The following LURAP1 variants were observed in gnomAD, a reference collection of about 807,000 sequenced individuals.
The protein encoded by LURAP1 is NF-kappa-B activator C1orf190.
LURAP1 carries 14 observed loss-of-function variants against 19.0 expected under a neutral mutation model. The observed-to-expected ratio is 0.74, with a 90% CI of 0.49 to 1.15. The LOEUF (loss-of-function observed/expected upper bound fraction) is 1.15, where lower values mean the gene tolerates loss of function less well. LURAP1 is among the 50% of genes most tolerant of loss of function. The probability of loss-of-function intolerance (pLI) is 0.00; values close to 1 mark genes in which losing one functional copy is unlikely to be tolerated. For synonymous variants in LURAP1, 129 were observed against 131.8 expected, an observed-to-expected ratio of 0.98 and a Z score of 0.14; for missense variants, 273 against 309.1, an observed-to-expected ratio of 0.88 and a Z score of 0.87.
At position 46,220,482 on chromosome 1, in the gene LURAP1, A is replaced by G; in HGVS notation, c.*262A>G. Reference sequence around the variant, plus strand: ...TCTTATGCTGTTACCCAAGATAGAGAGCAGTGGCATGATCACAGCTCACTG... The same window carrying G: ...TCTTATGCTGTTACCCAAGATAGAGGGCAGTGGCATGATCACAGCTCACTG... On this transcript the variant is annotated 3_prime_UTR_variant, in exon 2 of 2. Transcript: ENST00000371980. 1 of 399,006 alleles carries G rather than the reference A, an allele frequency of 2.5e-6. No individual in the cohort carries two copies. Among genetic ancestry groups the G allele is most frequent in the African/African-American group, 2.0e-5 (1 of 49,192 alleles). 24.7% of individuals were successfully genotyped at this position (399,006 alleles called of 1,614,324 possible).
chr1:46,204,882 C>T (rs1484024970), intron 1 of LURAP1, among the ~76,000 whole-genome samples: 4 of 152,234 alleles, frequency 2.6e-5, no homozygotes, highest in Admixed American at 2.0e-4. Flanking sequence ...AGTGCATGTG[C>T]CAGGCAGCTT....
chr1:46,206,317 G>A (rs1347227371), intron 1 of LURAP1, among the ~76,000 whole-genome samples: 1 of 152,180 alleles, frequency 6.6e-6, no homozygotes, highest in East Asian at 1.9e-4. Flanking sequence ...TGATTGTTAA[G>A]AACCTTTATA....
rs370931305 is a variant in LURAP1, at chr1:46,219,989, G to A, written c.489G>A (p.Gly163=). 23 of 1,614,254 alleles carry A rather than the reference G, an allele frequency of 1.4e-5. No homozygotes were observed. Among genetic ancestry groups the A allele is most frequent in the Non-Finnish European group, 1.8e-5 (21 of 1,180,040 alleles). Residue 163 remains glycine, a synonymous_variant, in exon 2 of 2, where the codon GGG becomes GGA. Transcript: ENST00000371980. ...AGCTGGATGAACAGGGCCCACCTGG[G>A]GCTCCACGTTCCGAGATGGACTGGG... The part of the protein sequence containing the change: ...PSELDEQGPP[G]APRSEMDWAK...
intron 1 of LURAP1, 118 bp from the exon 2 acceptor site, chr1:46,219,581 A>C: frequency 8.8e-7 from 1 of 1,138,274 alleles, no homozygotes; most frequent in Non-Finnish European, 1.2e-6. Flanking sequence ...AAGCCGTTAT[A>C]ATTCCATCCG....
chr1:46,214,954 C>G (rs1463427528), intron 1 of LURAP1, among the ~76,000 whole-genome samples: 1 of 147,506 alleles, frequency 6.8e-6, no homozygotes, highest in East Asian at 2.1e-4. Context: ...TGACTGGGTG[C>G]TGTGGCTCAC....
At chr1:46,219,199 G>C (rs560068537) in intron 1 of LURAP1, among the ~76,000 whole-genome samples, 3 of 152,090 alleles carry the variant, frequency 2.0e-5, no homozygotes, top group African/African-American at 7.2e-5. Flanking sequence ...GGAGACTGAG[G>C]CAGGAGAATC....
chr1:46,213,750 T>C (rs767707315), intron 1 of LURAP1, among the ~76,000 whole-genome samples: 1 of 151,720 alleles, frequency 6.6e-6, no homozygotes, highest in South Asian at 2.1e-4. Flanking sequence ...CTAAATATCA[T>C]GAAATACCTC....
At chr1:46,211,055 C>T (rs1201769743) in intron 1 of LURAP1, among the ~76,000 whole-genome samples, 1 of 151,684 alleles carries the variant, frequency 6.6e-6, no homozygotes, top group East Asian at 1.9e-4. Flanking sequence ...GTTGGGATTA[C>T]AGGCTTAAGC....
Position 46,203,447 on chromosome 1 carries a change from C to A in LURAP1, c.21C>A (p.Ser7=). 6.7e-7 allele frequency: 1 copy of A among 1,488,804 alleles called. No homozygotes were observed. 92.2% of individuals were successfully genotyped at this position (1,488,804 alleles called of 1,614,324 possible). ...CCCGCATGGAGGGGACCGTGGAGTCCCAGACGCCTGACCTGCGGGATGTGG... is the reference window on the plus strand; with the variant it reads ...CCCGCATGGAGGGGACCGTGGAGTCACAGACGCCTGACCTGCGGGATGTGG... MEGTVE[S]QTPDLRDVEG... The change falls in exon 1 of 2, where the codon TCC becomes TCA. Residue 7 remains serine, a synonymous_variant. Transcript: ENST00000371980.
chr1:46,208,438 C>T (rs2148240398), intron 1 of LURAP1, among the ~76,000 whole-genome samples: 1 of 152,302 alleles, frequency 6.6e-6, no homozygotes, highest in East Asian at 1.9e-4. Context: ...GGTTCCATAA[C>T]TGAATGGATT....
At chr1:46,209,655 T>G (rs1658831443) in intron 1 of LURAP1, among the ~76,000 whole-genome samples, 1 of 149,988 alleles carries the variant, frequency 6.7e-6, no homozygotes, top group African/African-American at 2.5e-5. Flanking sequence ...TGGGATTACA[T>G]GCACCCGCCA....
At chr1:46,212,952 G>A (rs1008467019) in intron 1 of LURAP1, among the ~76,000 whole-genome samples, 2 of 151,726 alleles carry the variant, frequency 1.3e-5, no homozygotes, top group Admixed American at 1.3e-4. Context: ...TTTTAGTAGA[G>A]ACGGGGTTTC....
At chr1:46,213,238 T>TA (rs1211342359) in intron 1 of LURAP1, among the ~76,000 whole-genome samples, 1 of 151,500 alleles carries the variant, frequency 6.6e-6, no homozygotes, top group East Asian at 1.9e-4. Flanking sequence ...AGTGATTTCA[T>TA]AAGATTATAA....
In LURAP1 at chr1:46,216,043, C is replaced by CTTTTTTTTT. The variant is rs141982741; in HGVS notation, c.199-3641_199-3633dup. On this transcript the variant is annotated intron_variant, in intron 1 of 1. Coordinates refer to ENST00000371980, the MANE Select transcript of LURAP1 (RefSeq NM_001013615.3). ...AAAATAATTTCAACTTTTATTTTAT[C>CTTTTTTTTT]TTTTTTTTTTTTTTTTTTTTTTTGT... Among the ~76,000 whole-genome samples, 42 of 92,536 alleles carry CTTTTTTTTT rather than the reference C, an allele frequency of 4.5e-4. 2 individuals are homozygous for CTTTTTTTTT. The highest frequency in any genetic ancestry group is 8.2e-4 in the South Asian group (2 of 2,426). 60.7% of individuals were successfully genotyped at this position (92,536 alleles called of 152,430 possible).
rs918601623 is a variant in LURAP1, at chr1:46,211,760, C to G, written c.199-7939C>G. 7.9e-5 allele frequency among the ~76,000 whole-genome samples: 12 copies of G among 151,980 alleles called. No individual in the cohort carries two copies. In the East Asian group the frequency reaches 2.3e-3, roughly 29 times the overall value. On this transcript the variant is annotated intron_variant, in intron 1 of 1. Coordinates refer to ENST00000371980, the MANE Select transcript of LURAP1 (RefSeq NM_001013615.3). Reference sequence around the variant, plus strand: ...TCCAGTGTCTAATTTTCTCAATGTACAAATATATATATATATTTTTTTGAG... The same window carrying G: ...TCCAGTGTCTAATTTTCTCAATGTAGAAATATATATATATATTTTTTTGAG...
chr1:46,214,998 A>G (rs1214797468), intron 1 of LURAP1, among the ~76,000 whole-genome samples: 1 of 151,926 alleles, frequency 6.6e-6, no homozygotes, highest in Admixed American at 6.6e-5. Flanking sequence ...AGGCCAAGGC[A>G]GGTGGATCAC....
rs1658786499 is a variant in LURAP1, at chr1:46,208,372, T to G, written c.198+4748T>G. Among the ~76,000 whole-genome samples the G allele has an allele frequency of 2.6e-5, 4 of 152,194 alleles. No homozygotes were observed. The South Asian group carries it at 8.3e-4, about 32-fold the overall frequency. The stretch of plus-strand genomic sequence containing the variant: ...TGAACCTTCTGAAGGTAAGAAATGA[T>G]GCCTTTTCTTTCTTCATCGAACATA... On this transcript the variant is annotated intron_variant, in intron 1 of 1. Coordinates refer to ENST00000371980, the MANE Select transcript of LURAP1 (RefSeq NM_001013615.3).
At chr1:46,219,565 C>T in intron 1 of LURAP1, 134 bp from the exon 2 acceptor site, 3 of 939,590 alleles carry the variant, frequency 3.2e-6, no homozygotes, top group Non-Finnish European at 4.7e-6. Context: ...CTGAAGCCTA[C>T]ACTGCAAGCC....
At chr1:46,215,204 C>T (rs926723333) in intron 1 of LURAP1, among the ~76,000 whole-genome samples, 8 of 133,620 alleles carry the variant, frequency 6.0e-5, no homozygotes, top group Non-Finnish European at 1.1e-4. Flanking sequence ...CTAGCCTGGG[C>T]GACACAACAA....
Sources: allele counts gnomAD v4.1 joint callset (sites outside exome capture counted in the v4.1 genomes callset), GRCh38; gene constraint gnomAD v4.1.1; transcripts MANE v1.5; gene names NCBI Gene and HGNC (gene_info 2026-07-23, HGNC 2026-07-21).